The following DCDC2 variants were observed in gnomAD, a reference collection of about 807,000 sequenced individuals.
DCDC2 encodes doublecortin domain containing 2, also known as doublecortin domain-containing protein 2.
Under a neutral mutation model 50.2 loss-of-function variants are expected in DCDC2, and 40 were observed. The observed-to-expected ratio is 0.80, with a 90% CI of 0.62 to 1.04. The LOEUF (loss-of-function observed/expected upper bound fraction) is 1.04. Among genes scored for constraint, DCDC2 ranks in the 50% least tolerant of loss-of-function variants. The pLI is 0.00. For missense variants in DCDC2, 570 were observed against 581.9 expected, an observed-to-expected ratio of 0.98 and a Z score of 0.21; for synonymous variants, 234 against 210.6, an observed-to-expected ratio of 1.11 and a Z score of -0.96.
At chr6:24,267,356 C>A (rs1035523097) in intron 7 of DCDC2, among the ~76,000 whole-genome samples, 1 of 152,216 alleles carries the variant, frequency 6.6e-6, no homozygotes, top group South Asian at 2.1e-4. Flanking sequence ...ATAGATACCC[C>A]ATTTACTCTA....
At chr6:24,306,543 T>TAGATAGACAGACAGAC (rs1209633765) in intron 2 of DCDC2, among the ~76,000 whole-genome samples, 1,649 of 115,534 alleles carry the variant, frequency 0.014, 13 homozygotes, top group Non-Finnish European at 0.02. Flanking sequence ...GATAGATAGA[T>TAGATAGACAGACAGAC]AGACAGACAG....
chr6:24,366,539 T>C, the DCDC2 span, among the ~76,000 whole-genome samples: 2 of 152,214 alleles, frequency 1.3e-5, no homozygotes, highest in African/African-American at 4.8e-5. Flanking sequence ...TAGCAGTTAG[T>C]ATCATGGTAA....
chr6:24,179,186 T>C (rs1760993489), intron 8 of DCDC2, among the ~76,000 whole-genome samples: 1 of 152,146 alleles, frequency 6.6e-6, no homozygotes, highest in African/African-American at 2.4e-5. Flanking sequence ...ACAGCTTCTC[T>C]CTAAACACAA....
In DCDC2 at chr6:24,173,057, T is replaced by C. The variant is rs1232931841; in HGVS notation, c.*1673A>G. ...GTCTATTTGCCTACCAACCCAAGATTGTTGCTTATAGCCCACAGTGCTTTA... is the reference window on the plus strand; with the variant it reads ...GTCTATTTGCCTACCAACCCAAGATCGTTGCTTATAGCCCACAGTGCTTTA... On this transcript the variant is annotated 3_prime_UTR_variant, in exon 10 of 10. Transcript: ENST00000378454. 1 of 150,856 alleles carries C rather than the reference T, an allele frequency of 6.6e-6. No homozygotes were observed. The highest frequency in any genetic ancestry group is 2.4e-5 in the African/African-American group (1 of 41,236). 9.3% of individuals were successfully genotyped at this position (150,856 alleles called of 1,614,324 possible). A position where few individuals can be genotyped will look rare whatever the true frequency, so the allele number is the denominator to read the frequency against.
intron 1 of DCDC2, among the ~76,000 whole-genome samples, chr6:24,356,599 G>A (rs1162763472): frequency 1.3e-5 from 2 of 151,668 alleles, no homozygotes; most frequent in Non-Finnish European, 2.9e-5. Context: ...GTCCTATAAT[G>A]ACCACCCCAA....
intron 2 of DCDC2, among the ~76,000 whole-genome samples, chr6:24,332,368 A>G (rs897881705): frequency 4.3e-4 from 66 of 152,100 alleles, no homozygotes; most frequent in African/African-American, 1.4e-3. Context: ...ACCATTCTGT[A>G]AGGAAGGAAA....
chr6:24,366,905 T>A, the DCDC2 span, among the ~76,000 whole-genome samples: 2 of 152,088 alleles, frequency 1.3e-5, no homozygotes, highest in African/African-American at 2.4e-5. Context: ...TGTGGCATGA[T>A]CATAGCTCAC....
chr6:24,324,392 A>G (rs1290792141), intron 2 of DCDC2, among the ~76,000 whole-genome samples: 1 of 152,250 alleles, frequency 6.6e-6, no homozygotes, highest in Non-Finnish European at 1.5e-5. Context: ...AGAAAAACAC[A>G]TAAAGAAATA....
Position 24,249,759 on chromosome 6 carries a change from G to T in DCDC2, c.922+28290C>A, listed in dbSNP as rs556448021. Among the ~76,000 whole-genome samples the T allele has an allele frequency of 1.4e-4, 22 of 152,302 alleles. No individual in the cohort carries two copies. The South Asian group carries it at 3.5e-3, about 24-fold the overall frequency. ...TCATACCCTCAGCACTGTGTTTGGG[G>T]ATAGTAGATCCTCTACAAAGCCTTG... is the stretch of plus-strand genomic sequence containing the variant. On this transcript the variant is annotated intron_variant, in intron 7 of 9. Coordinates refer to ENST00000378454, the MANE Select transcript of DCDC2 (RefSeq NM_016356.5).
intron 7 of DCDC2, among the ~76,000 whole-genome samples, chr6:24,227,055 T>C (rs528097523): frequency 3.9e-5 from 6 of 152,092 alleles, no homozygotes; most frequent in African/African-American, 9.6e-5. Flanking sequence ...GAGAAGGGGA[T>C]TGATCTTTCT....
intron 2 of DCDC2, among the ~76,000 whole-genome samples, chr6:24,337,630 C>A (rs1760081560): frequency 6.6e-6 from 1 of 151,770 alleles, no homozygotes; most frequent in South Asian, 2.1e-4. Flanking sequence ...CCCATCTCTA[C>A]CAAAAAAATA....
intron 8 of DCDC2, among the ~76,000 whole-genome samples, chr6:24,198,194 T>TA (rs1448079426): frequency 6.6e-6 from 1 of 152,158 alleles, no homozygotes; most frequent in African/African-American, 2.4e-5. Context: ...ACTGGCATTT[T>TA]AAAAAAATGC....
chr6:24,372,043 T>C, the DCDC2 span, among the ~76,000 whole-genome samples: 8 of 152,338 alleles, frequency 5.3e-5, no homozygotes, highest in African/African-American at 1.4e-4. Flanking sequence ...AGTTCAACCA[T>C]TGTGGAAGTC....
intron 5 of DCDC2, among the ~76,000 whole-genome samples, chr6:24,289,966 C>CTCT (rs796876332): frequency 1.7e-5 from 2 of 118,314 alleles, no homozygotes; most frequent in African/African-American, 6.3e-5. Flanking sequence ...TGGGCCAGAG[C>CTCT]TCTTCTTTTT....
At chr6:24,264,516 CTTGT>C (rs1763076854) in intron 7 of DCDC2, among the ~76,000 whole-genome samples, 1 of 151,830 alleles carries the variant, frequency 6.6e-6, no homozygotes, top group African/African-American at 2.4e-5. Context: ...TTTCTCTTTC[CTTGT>C]TTGTTTTTGC....
chr6:24,232,106 C>G (rs890055858), intron 7 of DCDC2, among the ~76,000 whole-genome samples: 1 of 151,502 alleles, frequency 6.6e-6, no homozygotes, highest in Non-Finnish European at 1.5e-5. Flanking sequence ...GCAATTTAAT[C>G]GAATATAACA....
At chr6:24,253,011 A>C (rs1041559299) in intron 7 of DCDC2, among the ~76,000 whole-genome samples, 1 of 152,174 alleles carries the variant, frequency 6.6e-6, no homozygotes, top group African/African-American at 2.4e-5. Context: ...AAAATAAGAC[A>C]AATCAAAACA....
At chr6:24,179,167 A>T (rs760794197) in intron 8 of DCDC2, among the ~76,000 whole-genome samples, 3 of 152,208 alleles carry the variant, frequency 2.0e-5, no homozygotes, top group Admixed American at 6.5e-5. Flanking sequence ...ACAATGCCTA[A>T]GGAAGCTGAC....
intron 2 of DCDC2, among the ~76,000 whole-genome samples, chr6:24,335,382 G>A (rs534988051): frequency 1.3e-5 from 2 of 152,240 alleles, no homozygotes; most frequent in South Asian, 4.1e-4. Flanking sequence ...ATTAATTTTG[G>A]CAGAAACAAA....
Sources: gnomAD v4.1 joint callset for allele counts (sites outside exome capture counted in the v4.1 genomes callset) on GRCh38, gnomAD v4.1.1 for gene constraint, MANE v1.5 for transcripts, NCBI Gene and HGNC (gene_info 2026-07-23, HGNC 2026-07-21) for gene names.